Variants in MKLN1 observed in about 807,000 individuals in gnomAD.
MKLN1 encodes muskelin 1.
A neutral mutation model predicts 99.0 loss-of-function variants in MKLN1; 18 were observed. The ratio of observed to expected loss-of-function variants is 0.18; its 90% CI spans 0.13 to 0.27. The LOEUF (loss-of-function observed/expected upper bound fraction) is 0.27. Ranked by LOEUF, MKLN1 falls within the 10% of genes least tolerant of loss-of-function variation. MKLN1 has a pLI of 1.00. For missense variants in MKLN1, 621 were observed against 875.9 expected (o/e 0.71, Z 3.67); for synonymous variants, 288 against 293.2 (o/e 0.98, Z 0.18).
At chr7:131,205,391 C>T (rs1863012) in intron 3 of MKLN1, among the ~76,000 whole-genome samples, 40,767 of 151,876 alleles carry the variant, frequency 0.27, 6,076 homozygotes, top group African/African-American at 0.41. Context: ...GTTTTCCGAT[C>T]GCTTCTTGGG....
intron 2 of MKLN1, among the ~76,000 whole-genome samples, chr7:131,185,529 G>T (rs1563244798): frequency 1.3e-5 from 2 of 151,886 alleles, no homozygotes; most frequent in Non-Finnish European, 2.9e-5. Context: ...AGTGAGCCGA[G>T]ATCGCACCAC....
chr7:131,280,582 C>G (rs1249504828), intron 3 of MKLN1, among the ~76,000 whole-genome samples: 1 of 152,014 alleles, frequency 6.6e-6, no homozygotes, highest in Non-Finnish European at 1.5e-5. Flanking sequence ...TGCATAATGG[C>G]CATTGGTATA....
At chr7:131,354,973 G>A (rs757593009) in intron 1 of MKLN1, among the ~76,000 whole-genome samples, 4 of 151,974 alleles carry the variant, frequency 2.6e-5, no homozygotes, top group Non-Finnish European at 4.4e-5. Flanking sequence ...TAGAGACAGG[G>A]TCTCACTATC....
chr7:131,390,026 T>C (rs1409993794), intron 4 of MKLN1, among the ~76,000 whole-genome samples: 1 of 152,186 alleles, frequency 6.6e-6, no homozygotes, highest in African/African-American at 2.4e-5. Flanking sequence ...CACATTTTGA[T>C]TTGGGAGAAT....
At chr7:131,227,501 C>CTTTCTTTCTTTCT (rs1563259338) in intron 3 of MKLN1, among the ~76,000 whole-genome samples, 1 of 128,110 alleles carries the variant, frequency 7.8e-6, no homozygotes, top group Non-Finnish European at 1.7e-5. Flanking sequence ...CTTTCTCTTT[C>CTTTCTTTCTTTCT]TTTCTTTCTT....
At chr7:131,339,364 G>A (rs1160607592) in intron 1 of MKLN1, among the ~76,000 whole-genome samples, 1 of 152,136 alleles carries the variant, frequency 6.6e-6, no homozygotes, top group African/African-American at 2.4e-5. Flanking sequence ...TGGTTTCATT[G>A]GTGATTTGCA....
At chr7:131,246,942 T>C (rs767379387) in intron 3 of MKLN1, among the ~76,000 whole-genome samples, 2 of 152,184 alleles carry the variant, frequency 1.3e-5, no homozygotes, top group African/African-American at 4.8e-5. Context: ...AGGGCACTGT[T>C]GAGAGTGGAA....
At chr7:131,368,804 A>G (rs1368257969) in intron 1 of MKLN1, among the ~76,000 whole-genome samples, 1 of 152,076 alleles carries the variant, frequency 6.6e-6, no homozygotes, top group African/African-American at 2.4e-5. Context: ...GTCAACTATT[A>G]TTTTCAACAA....
chr7:131,295,272 G>A (rs1156621783), intron 3 of MKLN1, among the ~76,000 whole-genome samples: 1 of 152,068 alleles, frequency 6.6e-6, no homozygotes, highest in Non-Finnish European at 1.5e-5. Context: ...CTCTCAAAGT[G>A]CTGGGATTAT....
intron 3 of MKLN1, among the ~76,000 whole-genome samples, chr7:131,287,364 T>G (rs957178729): frequency 6.6e-6 from 1 of 152,200 alleles, no homozygotes; most frequent in Non-Finnish European, 1.5e-5. Flanking sequence ...AAGGCCACAC[T>G]CCTGAAAGCT....
At chr7:131,310,723 T>C (rs1019056320) in intron 3 of MKLN1, 4 of 152,350 alleles carry the variant, frequency 2.6e-5, no homozygotes, top group Admixed American at 2.6e-4. Context: ...TCTGAAAATA[T>C]GTCATTCCAG....
At chr7:131,475,307 T>C (rs1331708697) in intron 16 of MKLN1, among the ~76,000 whole-genome samples, 1 of 151,882 alleles carries the variant, frequency 6.6e-6, no homozygotes, top group African/African-American at 2.4e-5. Flanking sequence ...CAAGAAGAAA[T>C]AGAAAATCTT....
Position 131,136,820 on chromosome 7 carries a change from T to C in MKLN1, c.-418-6000T>C, listed in dbSNP as rs142591327. Among the ~76,000 whole-genome samples, 297 of 152,290 alleles carry C rather than the reference T, an allele frequency of 2.0e-3. 1 individual carries two copies. Among genetic ancestry groups the C allele is most frequent in the Admixed American group, 3.3e-3 (51 of 15,284 alleles). On this transcript the variant is annotated intron_variant, in intron 1 of 7. Transcript: ENST00000416992. ...TGCCCTTCGTCCTGGCATGCTTAGCTCTGGGAGGACCTTCTGCAGGAGGCC... is the reference window on the plus strand; with the variant it reads ...TGCCCTTCGTCCTGGCATGCTTAGCCCTGGGAGGACCTTCTGCAGGAGGCC...
intron 8 of MKLN1, among the ~76,000 whole-genome samples, chr7:131,424,145 G>A (rs1274328069): frequency 6.6e-6 from 1 of 151,952 alleles, no homozygotes; most frequent in Admixed American, 6.6e-5. Flanking sequence ...ACTTTTAGAA[G>A]CATTCAGACT....
intron 2 of MKLN1, among the ~76,000 whole-genome samples, chr7:131,381,743 T>C (rs999395579): frequency 6.6e-6 from 1 of 152,234 alleles, no homozygotes; most frequent in African/African-American, 2.4e-5. Flanking sequence ...GAATAACTTT[T>C]TAAAAGAAAA....
At chr7:131,411,259 T>A in intron 6 of MKLN1, 47 bp from the exon 7 acceptor site, 1 of 1,140,750 alleles carries the variant, frequency 8.8e-7, no homozygotes, top group Non-Finnish European at 1.3e-6. Context: ...TAATAAATAA[T>A]GTAAGTAGTT....
At chr7:131,352,533 T>A (rs1799750136) in intron 1 of MKLN1, among the ~76,000 whole-genome samples, 1 of 152,192 alleles carries the variant, frequency 6.6e-6, no homozygotes, top group Non-Finnish European at 1.5e-5. Flanking sequence ...TTTTTTAAGT[T>A]GAAAATGTTT....
intron 8 of MKLN1, among the ~76,000 whole-genome samples, chr7:131,421,903 C>T (rs529378492): frequency 5.7e-4 from 87 of 152,038 alleles, no homozygotes; most frequent in African/African-American, 2.1e-3. Context: ...ATAATTGGTG[C>T]CTTAGGAAGG....
chr7:131,269,945 A>G (rs1365269396), intron 3 of MKLN1, among the ~76,000 whole-genome samples: 1 of 151,822 alleles, frequency 6.6e-6, no homozygotes, highest in African/African-American at 2.4e-5. Flanking sequence ...ATTTTTTGAG[A>G]TGGAGTCTTG....
Sources: allele counts gnomAD v4.1 joint callset (sites outside exome capture counted in the v4.1 genomes callset), GRCh38; gene constraint gnomAD v4.1.1; transcripts MANE v1.5; gene names NCBI Gene and HGNC (gene_info 2026-07-23, HGNC 2026-07-21).